C17orf78: variants seen among roughly 807,000 people sequenced by gnomAD.
The protein encoded by C17orf78 is uncharacterized protein C17orf78.
A neutral mutation model predicts 31.8 loss-of-function variants in C17orf78; 27 were observed. The ratio of observed to expected loss-of-function variants is 0.85; its 90% CI spans 0.63 to 1.17. C17orf78 has a LOEUF of 1.17. Among genes scored for constraint, C17orf78 ranks in the 50% most tolerant of loss-of-function variants. The probability of loss-of-function intolerance (pLI) is 0.00; values close to 1 mark genes in which losing one functional copy is unlikely to be tolerated. For synonymous variants in C17orf78, 106 were observed against 115.1 expected, an observed-to-expected ratio of 0.92 and a Z score of 0.51; for missense variants, 258 against 315.2, an observed-to-expected ratio of 0.82 and a Z score of 1.37.
intron 3 of C17orf78, among the ~76,000 whole-genome samples, chr17:37,382,047 T>C (rs1302325635): frequency 1.3e-5 from 2 of 152,188 alleles, no homozygotes; most frequent in Non-Finnish European, 2.9e-5. Flanking sequence ...TTCTCTTTTT[T>C]CTTTTAATAA....
At chr17:37,389,807 T>G (rs2050713086) in intron 6 of C17orf78, among the ~76,000 whole-genome samples, 1 of 151,944 alleles carries the variant, frequency 6.6e-6, no homozygotes, top group Non-Finnish European at 1.5e-5. Flanking sequence ...AACAGGGAGC[T>G]GCTTCAGTTA....
intron 4 of C17orf78, chr17:37,387,471 G>A (rs9890333): frequency 0.24 from 36,664 of 151,076 alleles, 4,570 homozygotes; most frequent in Middle Eastern, 0.37. Context: ...CTTTAAGATG[G>A]AGTGTCACTC....
chr17:37,390,560 G>A (rs966205048), intron 6 of C17orf78, among the ~76,000 whole-genome samples: 1 of 149,276 alleles, frequency 6.7e-6, no homozygotes, highest in Non-Finnish European at 1.5e-5. Context: ...CCAGGAGACA[G>A]AGGTTGTGGT....
intron 3 of C17orf78, among the ~76,000 whole-genome samples, chr17:37,381,094 T>TA (rs1349729183): frequency 6.6e-6 from 1 of 152,078 alleles, no homozygotes; most frequent in Non-Finnish European, 1.5e-5. Flanking sequence ...GTGCATATTT[T>TA]AAAAACATAA....
intron 3 of C17orf78, among the ~76,000 whole-genome samples, chr17:37,380,046 C>A (rs1213675618): frequency 1.3e-5 from 2 of 151,404 alleles, no homozygotes; most frequent in Non-Finnish European, 2.9e-5. Context: ...TAATGATAGA[C>A]TGGATTAAGA....
Position 37,391,811 on chromosome 17 carries a change from G to T in C17orf78, c.*87G>T. 1 of 1,172,226 alleles carries T rather than the reference G, an allele frequency of 8.5e-7. No individual in the cohort carries two copies. The highest frequency in any genetic ancestry group is 1.3e-6 in the Non-Finnish European group (1 of 787,782). 72.6% of individuals were successfully genotyped at this position (1,172,226 alleles called of 1,614,324 possible). A position where few individuals can be genotyped will look rare whatever the true frequency, so the allele number is the denominator to read the frequency against. ...GCACATTCTTGCCAATTTCACACTT[G>T]TATCTTCAGCAGGGACATTACAATC... On this transcript the variant is annotated 3_prime_UTR_variant, in exon 7 of 7. Coordinates refer to ENST00000615133, the MANE Select transcript of C17orf78 (RefSeq NM_173625.5).
At chr17:37,389,605 T>C (rs556643688) in intron 6 of C17orf78, among the ~76,000 whole-genome samples, 26 of 151,932 alleles carry the variant, frequency 1.7e-4, no homozygotes, top group Admixed American at 9.2e-4. Flanking sequence ...GAGAATCGCT[T>C]GAACCTGGGA....
chr17:37,377,991 A>C (rs781272610), intron 2 of C17orf78, 26 bp downstream of exon 2: 1 of 1,604,048 alleles, frequency 6.2e-7, no homozygotes, highest in Non-Finnish European at 8.5e-7. Flanking sequence ...TTTCTGGAAA[A>C]TGATATTGCC....
chr17:37,376,172 TC>T, intron 1 of C17orf78, 22 bp downstream of exon 1: 1 of 1,593,570 alleles, frequency 6.3e-7, no homozygotes, highest in South Asian at 1.1e-5. Flanking sequence ...TCTAGCCTAA[TC>T]TCCTGGAAAA....
chr17:37,383,254 C>T (rs1351519852), intron 3 of C17orf78, among the ~76,000 whole-genome samples: 1 of 152,056 alleles, frequency 6.6e-6, no homozygotes, highest in Non-Finnish European at 1.5e-5. Flanking sequence ...CAATTAAGGA[C>T]ATTAGCTCTT....
At chr17:37,382,978 A>C (rs962571307) in intron 3 of C17orf78, among the ~76,000 whole-genome samples, 3 of 152,208 alleles carry the variant, frequency 2.0e-5, no homozygotes, top group African/African-American at 7.2e-5. Context: ...CGGAGGTTGC[A>C]GTGAGCCAAG....
At position 37,376,120 on chromosome 17, in the gene C17orf78, A is replaced by G. The variant is rs2049991358; in HGVS notation, c.28A>G (p.Ile10Val). The change falls in exon 1 of 7, where the codon ATC becomes GTC. Residue 10 changes from isoleucine (I) to valine (V), a missense_variant. Ile to Val is a conservative substitution (Grantham distance 29). Coordinates refer to ENST00000615133, the MANE Select transcript of C17orf78 (RefSeq NM_173625.5). ...GGATACCATCTTGGTCTTCAGCCTA[A>G]TCATTGCATCCTATGATGCCAACAA... MDTILVFSLIIASYDANKKD... is the reference protein window; with the variant it reads MDTILVFSLVIASYDANKKD... 6.2e-7 allele frequency: 1 copy of G among 1,613,234 alleles called. No individual in the cohort carries two copies.
chr17:37,390,150 A>AG, intron 6 of C17orf78, among the ~76,000 whole-genome samples: 2 of 49,476 alleles, frequency 4.0e-5, no homozygotes, highest in African/African-American at 2.9e-4. Flanking sequence ...GTATATATAT[A>AG]TATATATATA....
chr17:37,391,823 G>A lies in C17orf78; in HGVS notation c.*99G>A. 9.2e-7 allele frequency: 1 copy of A among 1,085,978 alleles called. No individual in the cohort carries two copies. Among genetic ancestry groups the A allele is most frequent in the Non-Finnish European group, 1.4e-6 (1 of 715,314 alleles). The allele number at this position is 1,085,978 out of a possible 1,614,324, so 67.3% of individuals were successfully genotyped here. ...CAATTTCACACTTGTATCTTCAGCA[G>A]GGACATTACAATCAAACACCAATTC... On this transcript the variant is annotated 3_prime_UTR_variant, in exon 7 of 7. Coordinates refer to ENST00000615133, the MANE Select transcript of C17orf78 (RefSeq NM_173625.5).
intron 3 of C17orf78, among the ~76,000 whole-genome samples, chr17:37,383,633 C>T (rs566179463): frequency 6.6e-6 from 1 of 152,300 alleles, no homozygotes; most frequent in Admixed American, 6.5e-5. Context: ...CTGCAACCTC[C>T]GCCTCCCAGG....
rs185462880 is a variant in C17orf78 at position 37,381,947 on chromosome 17, T to C, written c.391+2565T>C. On this transcript the variant is annotated intron_variant, in intron 3 of 6. Coordinates refer to ENST00000615133, the MANE Select transcript of C17orf78 (RefSeq NM_173625.5). ...CGGCCATGTCTCTTCTATATTCTAC[T>C]AGCCCCCTATTGATATATATTTTGG... is the stretch of plus-strand genomic sequence containing the variant. Among the ~76,000 whole-genome samples, 231 of 152,306 alleles carry C rather than the reference T, an allele frequency of 1.5e-3. 1 individual carries two copies. Among genetic ancestry groups the C allele is most frequent in the African/African-American group, 5.5e-3 (228 of 41,572 alleles).
intron 1 of C17orf78, among the ~76,000 whole-genome samples, 173 bp from the exon 2 acceptor site, chr17:37,377,702 TAAAA>T (rs1399753402): frequency 1.0e-3 from 143 of 138,516 alleles, no homozygotes; most frequent in East Asian, 0.01. Flanking sequence ...AATAAATAAA[TAAAA>T]GTAAAGTCTT....
Position 37,391,633 on chromosome 17 carries a change from C to T in C17orf78, c.751-14C>T. On this transcript the variant is annotated splice_polypyrimidine_tract_variant and intron_variant, in intron 6 of 6. Transcript: ENST00000615133. ...CATCCTTTTTTAACTTTCATATTTCCTTTCAATCTCTAGGTTGGACAAGAT... is the reference window on the plus strand; with the variant it reads ...CATCCTTTTTTAACTTTCATATTTCTTTTCAATCTCTAGGTTGGACAAGAT... 1.9e-6 allele frequency: 3 copies of T among 1,611,854 alleles called. No homozygotes were observed. The highest frequency in any genetic ancestry group is 1.7e-6 in the Non-Finnish European group (2 of 1,178,098).
At chr17:37,378,642 G>A (rs1012209639) in intron 2 of C17orf78, among the ~76,000 whole-genome samples, 1 of 152,246 alleles carries the variant, frequency 6.6e-6, no homozygotes, top group African/African-American at 2.4e-5. Context: ...GAACCAGAGA[G>A]GCGGAGGTTG....
Sources: gnomAD v4.1 joint callset for allele counts (sites outside exome capture counted in the v4.1 genomes callset) on GRCh38, gnomAD v4.1.1 for gene constraint, MANE v1.5 for transcripts, NCBI Gene and HGNC (gene_info 2026-07-23, HGNC 2026-07-21) for gene names.